The following GALNT9 variants were observed in gnomAD, a reference collection of about 807,000 sequenced individuals.
GALNT9 encodes the protein polypeptide N-acetylgalactosaminyltransferase 9.
A neutral mutation model predicts 63.1 loss-of-function variants in GALNT9; 47 were observed. The ratio of observed to expected loss-of-function variants is 0.75; its 90% confidence interval spans 0.59 to 0.95. The LOEUF (loss-of-function observed/expected upper bound fraction) is 0.95, where lower values mean the gene tolerates loss of function less well. GALNT9 is among the 40% of genes least tolerant of loss of function. The pLI is 0.00. For missense variants in GALNT9, 829 were observed against 874.8 expected (o/e 0.95, Z 0.66); for synonymous variants, 396 against 365.7 (o/e 1.08, Z -0.94).
In GALNT9 at chr12:132,226,628, CCCA is replaced by C. The variant is rs1252482592; in HGVS notation, c.1077+21279_1077+21281del. On this transcript the variant is annotated intron_variant, in intron 6 of 10. Transcript: ENST00000328957. The stretch of plus-strand genomic sequence containing the variant: ...CCCACACCCCACTGTATATACACAC[CCCA>C]CATGCACCCCATGCACCCCCATATA... Among the ~76,000 whole-genome samples, 858 of 139,040 alleles carry C rather than the reference CCCA, an allele frequency of 6.2e-3. 9 individuals carry two copies. The highest frequency in any genetic ancestry group is 0.021 in the African/African-American group (750 of 36,488). The allele number at this position is 139,040 out of a possible 152,430, so 91.2% of individuals were successfully genotyped here.
intron 1 of GALNT9, among the ~76,000 whole-genome samples, chr12:132,309,744 C>T (rs1555245002): frequency 1.1e-4 from 16 of 152,232 alleles, no homozygotes; most frequent in Non-Finnish European, 1.2e-4. Flanking sequence ...GAGCGTAAGT[C>T]TCCATTGTGT....
intron 10 of GALNT9, 39 bp downstream of exon 10, chr12:132,197,753 C>T: frequency 4.5e-6 from 6 of 1,329,492 alleles, no homozygotes; most frequent in African/African-American, 2.0e-5. Context: ...CAGCCCTGCC[C>T]CGCCCCAACC....
At chr12:132,248,771 G>A (rs1171734825) in intron 5 of GALNT9, among the ~76,000 whole-genome samples, 1 of 152,244 alleles carries the variant, frequency 6.6e-6, no homozygotes, top group African/African-American at 2.4e-5. Flanking sequence ...AACGTCAGCC[G>A]ACTTAGCCTG....
At chr12:132,229,882 C>T (rs1327741653) in intron 6 of GALNT9, among the ~76,000 whole-genome samples, 1 of 152,212 alleles carries the variant, frequency 6.6e-6, no homozygotes, top group Non-Finnish European at 1.5e-5. Flanking sequence ...CCAAGGTCAC[C>T]GTCCGTCGGT....
intron 2 of GALNT9, among the ~76,000 whole-genome samples, chr12:132,272,035 G>A (rs1031723313): frequency 3.3e-5 from 5 of 152,134 alleles, no homozygotes; most frequent in Non-Finnish European, 1.5e-5. Context: ...TCGAGGGCGG[G>A]GGGAGGAGGA....
At chr12:132,203,999 G>T (rs1047152313) in intron 6 of GALNT9, among the ~76,000 whole-genome samples, 4 of 152,014 alleles carry the variant, frequency 2.6e-5, no homozygotes, top group African/African-American at 9.7e-5. Context: ...TCACCCTGTG[G>T]TTCCCACCCC....
At chr12:132,255,267 T>C (rs1478086882) in intron 5 of GALNT9, among the ~76,000 whole-genome samples, 1 of 152,184 alleles carries the variant, frequency 6.6e-6, no homozygotes, top group Non-Finnish European at 1.5e-5. Context: ...AGAGATAAAA[T>C]GCATCCAAAA....
At chr12:132,263,516 G>T (rs75403794) in intron 2 of GALNT9, among the ~76,000 whole-genome samples, 4 of 152,146 alleles carry the variant, frequency 2.6e-5, no homozygotes, top group Non-Finnish European at 4.4e-5. Flanking sequence ...GGGGGAGGGG[G>T]GCAGGGCTGC....
rs1881763168 is a variant in GALNT9, at chr12:132,310,210, G to A, written c.238+18756C>T. On this transcript the variant is annotated intron_variant, in intron 1 of 10. Transcript: ENST00000328957. The surrounding 1 kb of genome is among the most constrained non-coding windows in gnomAD (Gnocchi z 4.8). The stretch of plus-strand genomic sequence containing the variant: ...GAGGGGAGGAGCTGGGATTCACGTG[G>A]GGCTGGGCTTGTGAGGGTGCCACCA... Among the ~76,000 whole-genome samples, 1 of 152,202 alleles carries A rather than the reference G, an allele frequency of 6.6e-6. No homozygotes were observed. Among genetic ancestry groups the A allele is most frequent in the Non-Finnish European group, 1.5e-5 (1 of 68,038 alleles).
rs974127103 is a variant in GALNT9 at position 132,252,251 on chromosome 12, C to A, written c.960-4224G>T. ...GAGGCCTCCAAAGATGAGCCACAGG[C>A]GGCTGTGAACGCAGGAAGGGCAGAG... is the stretch of plus-strand genomic sequence containing the variant. On this transcript the variant is annotated intron_variant, in intron 5 of 10. Transcript: ENST00000328957. This position sits in a 1 kb window ranked among gnomAD's most constrained non-coding sequence, Gnocchi z 5.2. Among the ~76,000 whole-genome samples the A allele has an allele frequency of 6.6e-6, 1 of 152,176 alleles. No individual in the cohort carries two copies. Among genetic ancestry groups the A allele is most frequent in the Non-Finnish European group, 1.5e-5 (1 of 68,036 alleles).
chr12:132,247,569 A>G (rs1555238078), intron 6 of GALNT9: 1 of 504,424 alleles, frequency 2.0e-6, no homozygotes, highest in Non-Finnish European at 3.9e-6. Context: ...CTGTCCCTAG[A>G]CCATGGCTGC....
rs1290724915 is a variant in GALNT9, at chr12:132,319,458, G to C, written c.238+9508C>G. Among the ~76,000 whole-genome samples, 1 of 152,096 alleles carries C rather than the reference G, an allele frequency of 6.6e-6. No homozygotes were observed. The highest frequency in any genetic ancestry group is 1.5e-5 in the Non-Finnish European group (1 of 67,994). On this transcript the variant is annotated intron_variant, in intron 1 of 10. Coordinates refer to ENST00000328957, the MANE Select transcript of GALNT9 (RefSeq NM_001122636.2). The surrounding 1 kb of genome is among the most constrained non-coding windows in gnomAD (Gnocchi z 5.2). ...TCCTCAGCGTGACCCTGGCTCTTAG[G>C]TCTCTGCACTCAGGCCAAAGGACCC...
chr12:132,203,764 GA>G, intron 6 of GALNT9, 74 bp from the exon 7 acceptor site: 1 of 1,504,780 alleles, frequency 6.6e-7, no homozygotes, highest in African/African-American at 1.5e-5. Context: ...AGGGGCCCGT[GA>G]GAGGCCAAGG....
At chr12:132,218,779 G>C (rs1877320076) in intron 6 of GALNT9, among the ~76,000 whole-genome samples, 1 of 152,188 alleles carries the variant, frequency 6.6e-6, no homozygotes, top group African/African-American at 2.4e-5. Flanking sequence ...TACAATGGAG[G>C]CGAAGAAGGC....
At position 132,221,309 on chromosome 12, in the gene GALNT9, C is replaced by T. The variant is rs28813124; in HGVS notation, c.1078-17619G>A. Among the ~76,000 whole-genome samples the T allele has an allele frequency of 5.0e-3, 543 of 108,634 alleles. 11 individuals are homozygous for T. In the East Asian group the frequency reaches 0.084, roughly 17 times the overall value. The allele number at this position is 108,634 out of a possible 152,430, so 71.3% of individuals were successfully genotyped here. On this transcript the variant is annotated intron_variant, in intron 6 of 10. Coordinates refer to ENST00000328957, the MANE Select transcript of GALNT9 (RefSeq NM_001122636.2). ...TGGAGGTTGCAGTGAGCTGAGTTCA[C>T]ACCATTGCACTCCAGCCTGGCGACA...
At chr12:132,199,736 T>C (rs1464381116) in intron 8 of GALNT9, among the ~76,000 whole-genome samples, 1 of 152,178 alleles carries the variant, frequency 6.6e-6, no homozygotes, top group African/African-American at 2.4e-5. Flanking sequence ...GCCAGACTGC[T>C]GGGGGATGTG....
chr12:132,307,656 A>C (rs567043247), intron 1 of GALNT9, among the ~76,000 whole-genome samples: 3 of 138,344 alleles, frequency 2.2e-5, no homozygotes, highest in Admixed American at 7.7e-5. Flanking sequence ...ACATGATGAA[A>C]CCTCATCTCT....
At position 132,315,782 on chromosome 12, in the gene GALNT9, G is replaced by C. The variant is rs1555245645; in HGVS notation, c.238+13184C>G. 6.6e-6 allele frequency among the ~76,000 whole-genome samples: 1 copy of C among 152,198 alleles called. No individual in the cohort carries two copies. The highest frequency in any genetic ancestry group is 1.5e-5 in the Non-Finnish European group (1 of 68,036). On this transcript the variant is annotated intron_variant, in intron 1 of 10. Coordinates refer to ENST00000328957, the MANE Select transcript of GALNT9 (RefSeq NM_001122636.2). The surrounding 1 kb of genome is among the most constrained non-coding windows in gnomAD (Gnocchi z 6.1). ...CCTTCCACACAGAGCAGAGAGGGCT[G>C]AGCCACCCACTCATACTCCCCACCG...
chr12:132,247,455 C>T (rs891948846), intron 6 of GALNT9: 8 of 377,456 alleles, frequency 2.1e-5, no homozygotes, highest in South Asian at 1.2e-4. Context: ...CCAACTCCAG[C>T]TCAGGGACCC....
Sources: gnomAD v4.1 joint callset for allele counts (sites outside exome capture counted in the v4.1 genomes callset) on GRCh38, gnomAD v4.1.1 for gene constraint, Gnocchi (gnomAD v3.1) non-coding constraint, MANE v1.5 for transcripts, NCBI Gene and HGNC (gene_info 2026-07-23, HGNC 2026-07-21) for gene names.